Variants in TCTN2 observed in about 807,000 individuals in gnomAD.
TCTN2 encodes the protein tectonic family member 2.
In TCTN2, 66 loss-of-function variants were observed where a neutral mutation model predicts 83.4. The observed-to-expected ratio is 0.79, with a 90% CI of 0.65 to 0.97. The LOEUF is 0.97. Among genes scored for constraint, TCTN2 ranks in the 50% least tolerant of loss-of-function variants. The pLI is 0.00. For missense variants in TCTN2, 794 were observed against 858.1 expected, an observed-to-expected ratio of 0.93 and a Z score of 0.93; for synonymous variants, 301 against 326.7, an observed-to-expected ratio of 0.92 and a Z score of 0.85.
intron 14 of TCTN2, among the ~76,000 whole-genome samples, chr12:123,703,859 G>A (rs981845015): frequency 6.6e-6 from 1 of 152,118 alleles, no homozygotes; most frequent in Non-Finnish European, 1.5e-5. Flanking sequence ...ATGGAATAAC[G>A]ATGGCATTTC....
chr12:123,671,114 T>C lies in TCTN2; in HGVS notation c.-127T>C. ...GCCGGCCGCCGATTGGTGGTTGCCA[T>C]AGCTCCGGGCGTTCGCTTGCAAGAT... On this transcript the variant is annotated 5_prime_UTR_variant, in exon 1 of 18. Transcript: ENST00000303372. 2.1e-6 allele frequency: 2 copies of C among 935,524 alleles called. No homozygotes were observed. The highest frequency in any genetic ancestry group is 1.4e-5 in the South Asian group (1 of 71,430). The allele number at this position is 935,524 out of a possible 1,614,324, so 58.0% of individuals were successfully genotyped here. A position where few individuals can be genotyped will look rare whatever the true frequency, so the allele number is the denominator to read the frequency against.
rs867937769 is a variant in TCTN2 at position 123,687,295 on chromosome 12, C to T, written c.764+260C>T. The stretch of plus-strand genomic sequence containing the variant: ...TAGGGGAGGTGAAGGAGTGGTGGCT[C>T]ATGGGAGATTTTAATGTTCTGTATT... On this transcript the variant is annotated intron_variant, in intron 6 of 17. Transcript: ENST00000303372. Among the ~76,000 whole-genome samples, 3 of 152,138 alleles carry T rather than the reference C, an allele frequency of 2.0e-5. No homozygotes were observed. The South Asian group carries it at 6.2e-4, about 32-fold the overall frequency.
intron 5 of TCTN2, among the ~76,000 whole-genome samples, chr12:123,681,262 A>AAAAAAAAAAG (rs796346294): frequency 2.2e-4 from 34 of 151,748 alleles, no homozygotes; most frequent in African/African-American, 6.3e-4. Context: ...CTTTCAAAAA[A>AAAAAAAAAAG]AAAGAAAGAA....
chr12:123,685,607 T>C (rs185562834), intron 5 of TCTN2, among the ~76,000 whole-genome samples: 1 of 151,788 alleles, frequency 6.6e-6, no homozygotes, highest in Non-Finnish European at 1.5e-5. Context: ...TTAGTAGAGA[T>C]GGGGTTTCAC....
intron 5 of TCTN2, among the ~76,000 whole-genome samples, chr12:123,680,347 C>T (rs566627534): frequency 0.011 from 1,197 of 110,860 alleles, 12 homozygotes; most frequent in Non-Finnish European, 0.018. Flanking sequence ...AGCGAAACTC[C>T]GTTTCAAAAA....
chr12:123,700,106 G>T, intron 14 of TCTN2: 1 of 469,128 alleles, frequency 2.1e-6, no homozygotes, highest in Non-Finnish European at 3.9e-6. Context: ...CATCCTCCCA[G>T]GCTCAAGGGA....
In TCTN2 at chr12:123,675,572, A is replaced by G. The variant is rs1955810540; in HGVS notation, c.463+1762A>G. On this transcript the variant is annotated intron_variant, in intron 4 of 17. Coordinates refer to ENST00000303372, the MANE Select transcript of TCTN2 (RefSeq NM_024809.5). ...TTTTGACAGCTCCTTTCAGCAGACT[A>G]CTGTGCCCTCAGTGTACTTGCATGG... is the stretch of plus-strand genomic sequence containing the variant. 2.0e-5 allele frequency among the ~76,000 whole-genome samples: 3 copies of G among 152,206 alleles called. No homozygotes were observed. The South Asian group carries it at 6.2e-4, about 32-fold the overall frequency.
chr12:123,701,501 G>C (rs1956171819), intron 14 of TCTN2, among the ~76,000 whole-genome samples: 1 of 152,150 alleles, frequency 6.6e-6, no homozygotes, highest in Non-Finnish European at 1.5e-5. Flanking sequence ...CACTTTGGGA[G>C]GCCGAGGCGG....
intron 5 of TCTN2, among the ~76,000 whole-genome samples, chr12:123,681,356 T>G (rs889178203): frequency 1.3e-5 from 2 of 152,180 alleles, no homozygotes; most frequent in African/African-American, 4.8e-5. Flanking sequence ...TCAGAACATT[T>G]CTACCACCCC....
rs144694769 is a variant in TCTN2, at chr12:123,672,116, C to T, written c.251C>T (p.Thr84Ile). The change falls in exon 3 of 18, where the codon ACT (threonine) becomes ATT (isoleucine). Residue 84 changes from threonine to isoleucine, a missense_variant. By Grantham distance (89) the Thr-to-Ile change is moderately conservative. Transcript: ENST00000303372. ...LNNETEDWSV[T>I]VIPGAKVLEV... ...AATGAGACGGAAGACTGGAGCGTGA[C>T]TGTGATCCCCGGTGCGGTAAGGCCA... 18 of 1,614,068 alleles carry T rather than the reference C, an allele frequency of 1.1e-5. No homozygotes were observed. Among genetic ancestry groups the T allele is most frequent in the Non-Finnish European group, 1.4e-5 (17 of 1,180,034 alleles).
At chr12:123,679,311 C>T (rs1401615774) in intron 5 of TCTN2, 22 bp downstream of exon 5, 1 of 1,603,248 alleles carries the variant, frequency 6.2e-7, no homozygotes, top group African/African-American at 1.3e-5. Flanking sequence ...GGTTATTGGG[C>T]ACAAAAGTTA....
chr12:123,695,070 GTTGGAC>G, intron 10 of TCTN2, 94 bp downstream of exon 10: 2 of 1,541,260 alleles, frequency 1.3e-6, no homozygotes, highest in Non-Finnish European at 1.8e-6. Flanking sequence ...ATAAAACTAA[GTTGGAC>G]TTGTTTCTTA....
intron 15 of TCTN2, among the ~76,000 whole-genome samples, chr12:123,705,583 T>C (rs959672814): frequency 6.6e-6 from 1 of 152,168 alleles, no homozygotes; most frequent in East Asian, 1.9e-4. Context: ...GGTTCCAGTG[T>C]GGTCAGGGAT....
chr12:123,699,989 T>G, intron 14 of TCTN2, 179 bp downstream of exon 14: 1 of 663,950 alleles, frequency 1.5e-6, no homozygotes, highest in South Asian at 1.6e-5. Context: ...TTTTTCTTCT[T>G]ATTCACAATG....
At position 123,673,348 on chromosome 12, in the gene TCTN2, A is replaced by C. The variant is rs182801366; in HGVS notation, c.268-267A>C. Among the ~76,000 whole-genome samples the C allele has an allele frequency of 1.1e-4, 16 of 152,328 alleles. No individual in the cohort carries two copies. In the East Asian group the frequency reaches 3.1e-3, roughly 29 times the overall value. On this transcript the variant is annotated intron_variant, in intron 3 of 17. Transcript: ENST00000303372. ...TAAAGAAACTAAAAAGGTGTACAAT[A>C]AACTGAGTTTATTTATCAGATCTGT...
At chr12:123,700,995 C>T (rs1476442123) in intron 14 of TCTN2, among the ~76,000 whole-genome samples, 3 of 152,132 alleles carry the variant, frequency 2.0e-5, no homozygotes, top group African/African-American at 7.2e-5. Context: ...AAAGTCCAAG[C>T]AAGGTTTGAA....
chr12:123,693,512 G>A (rs1956071712), intron 9 of TCTN2, among the ~76,000 whole-genome samples: 1 of 149,818 alleles, frequency 6.7e-6, no homozygotes, highest in African/African-American at 2.5e-5. Context: ...GAGTGCAGTG[G>A]TGTAATCTTG....
chr12:123,685,575 C>T (rs771093149), intron 5 of TCTN2, among the ~76,000 whole-genome samples: 2 of 151,974 alleles, frequency 1.3e-5, no homozygotes, highest in Non-Finnish European at 2.9e-5. Flanking sequence ...TGTGCCACCA[C>T]GCCTGGCTAA....
At chr12:123,707,226 GT>G (rs1352188175) in intron 17 of TCTN2, 153 bp downstream of exon 17, 5 of 712,098 alleles carry the variant, frequency 7.0e-6, no homozygotes, top group Non-Finnish European at 1.2e-5. Flanking sequence ...CACCATTACT[GT>G]TTTGGCTTAG....
Sources: gnomAD v4.1 joint callset for allele counts (sites outside exome capture counted in the v4.1 genomes callset) on GRCh38, gnomAD v4.1.1 for gene constraint, MANE v1.5 for transcripts, NCBI Gene and HGNC (gene_info 2026-07-23, HGNC 2026-07-21) for gene names.